The following MUC5AC variants were observed in gnomAD, a reference collection of about 807,000 sequenced individuals.
The protein encoded by MUC5AC is mucin 5AC, oligomeric mucus/gel-forming.
A neutral mutation model predicts 169.7 loss-of-function variants in MUC5AC; 158 were observed. The observed-to-expected ratio is 0.93, with a 90% CI of 0.82 to 1.06. The LOEUF is 1.06. Ranked by LOEUF, MUC5AC falls within the 50% of genes least tolerant of loss-of-function variation. The pLI is 0.00. For synonymous variants in MUC5AC, 1,975 were observed against 1,237.0 expected, an observed-to-expected ratio of 1.60 and a Z score of -12.52; for missense variants, 4,359 against 3,089.9, an observed-to-expected ratio of 1.41 and a Z score of -9.74.
chr11:1,159,985 C>T (rs1454553633), intron 1 of MUC5AC, among the ~76,000 whole-genome samples: 11 of 139,216 alleles, frequency 7.9e-5, no homozygotes, highest in East Asian at 2.2e-4. Context: ...CAGGGCTGTG[C>T]GGGGCTGGGG....
Position 1,200,781 on chromosome 11 carries a change from T to G in MUC5AC, c.*79T>G. 1 of 665,118 alleles carries G rather than the reference T, an allele frequency of 1.5e-6. No individual in the cohort carries two copies. Among genetic ancestry groups the G allele is most frequent in the Non-Finnish European group, 2.7e-6 (1 of 367,338 alleles). 41.2% of individuals were successfully genotyped at this position (665,118 alleles called of 1,614,324 possible). On this transcript the variant is annotated 3_prime_UTR_variant, in exon 49 of 49. Transcript: ENST00000621226. ...GCTCGGCTTCCAAGGCCAGTGGAAC[T>G]TGTGCCCCTGTCCAGGCGGCTGCAG...
At chr11:1,181,739 CA>C (rs1305518838) in intron 30 of MUC5AC, among the ~76,000 whole-genome samples, 1 of 152,210 alleles carries the variant, frequency 6.6e-6, no homozygotes, top group Non-Finnish European at 1.5e-5. Flanking sequence ...ATTGGGGTGT[CA>C]GGGGTCTGGC....
intron 31 of MUC5AC, 126 bp from the exon 32 acceptor site, chr11:1,192,657 C>A: frequency 1.5e-6 from 1 of 686,806 alleles, no homozygotes; most frequent in Non-Finnish European, 2.6e-6. Context: ...AGAGTGGCTG[C>A]TGGCATTCTC....
intron 37 of MUC5AC, 109 bp downstream of exon 37, chr11:1,196,163 G>C: frequency 1.6e-6 from 1 of 626,370 alleles, no homozygotes; most frequent in South Asian, 1.8e-5. Context: ...CCTGGAGGAG[G>C]AGGGGGCAGC....
At chr11:1,164,800 G>C (rs1860261920) in intron 9 of MUC5AC, among the ~76,000 whole-genome samples, 1 of 143,884 alleles carries the variant, frequency 7.0e-6, no homozygotes. Flanking sequence ...CCTGTCCCGG[G>C]CCCCTGAGGC....
In MUC5AC at chr11:1,188,824, G is replaced by C. The variant is rs1214204395; in HGVS notation, c.10679G>C (p.Arg3560Pro). ...AGGAGTGGGGAAAAAATCTGCCGCCGACCTGAGGAGATCACCAGGCTCCAG... is the reference window on the plus strand; with the variant it reads ...AGGAGTGGGGAAAAAATCTGCCGCCCACCTGAGGAGATCACCAGGCTCCAG... ...IIRSGEKICR[R>P]PEEITRLQCR... The change falls in exon 31 of 49, where the codon CGA becomes CCA. Residue 3560 changes from arginine (R) to proline (P), a missense_variant. Transcript: ENST00000621226. 1.3e-6 allele frequency: 1 copy of C among 759,922 alleles called. No individual in the cohort carries two copies. Among genetic ancestry groups the C allele is most frequent in the African/African-American group, 1.7e-5 (1 of 59,006 alleles). The allele number at this position is 759,922 out of a possible 1,614,324, so 47.1% of individuals were successfully genotyped here.
chr11:1,186,502 C>T lies in MUC5AC; in HGVS notation c.8357C>T (p.Thr2786Ile). ...TTTSTISAPT[T>I]STTLSPTTST... is the part of the protein sequence containing the mutation. ...ACCAGCACAATCTCTGCCCCTACAA[C>T]CAGCACAACTTTGTCTCCTACAACC... Residue 2786 changes from threonine to isoleucine, a missense_variant, in exon 31 of 49, where the codon ACC (threonine) becomes ATC (isoleucine). Physicochemically the swap from Thr to Ile is moderately conservative, Grantham distance 89. Coordinates refer to ENST00000621226, the MANE Select transcript of MUC5AC (RefSeq NM_001304359.2). 1 of 695,336 alleles carries T rather than the reference C, an allele frequency of 1.4e-6. No individual in the cohort carries two copies. Among genetic ancestry groups the T allele is most frequent in the East Asian group, 2.7e-5 (1 of 37,268 alleles). 43.1% of individuals were successfully genotyped at this position (695,336 alleles called of 1,614,324 possible).
rs1860885400 is a variant in MUC5AC at position 1,184,550 on chromosome 11, C to A, written c.6405C>A (p.Pro2135=). ...ACGTGGACTTCCCGTCCCCCGGACC[C>A]CATGGTGGAGACAAGGAAACCTACA... ...WFDVDFPSPG[P]HGGDKETYNN... The change falls in exon 31 of 49, where the codon CCC becomes CCA. Residue 2135 remains proline (P), a synonymous_variant. Coordinates refer to ENST00000621226, the MANE Select transcript of MUC5AC (RefSeq NM_001304359.2). 3 of 646,340 alleles carry A rather than the reference C, an allele frequency of 4.6e-6. No individual in the cohort carries two copies. The South Asian group carries it at 5.4e-5, about 12-fold the overall frequency. 40.0% of individuals were successfully genotyped at this position (646,340 alleles called of 1,614,324 possible). A position where few individuals can be genotyped will look rare whatever the true frequency, so the allele number is the denominator to read the frequency against.
chr11:1,174,898 T>G lies in MUC5AC; in HGVS notation c.2109T>G (p.Thr703=). 1 of 414,002 alleles carries G rather than the reference T, an allele frequency of 2.4e-6. No individual in the cohort carries two copies. Among genetic ancestry groups the G allele is most frequent in the Non-Finnish European group, 4.3e-6 (1 of 234,536 alleles). The allele number at this position is 414,002 out of a possible 1,614,324, so 25.6% of individuals were successfully genotyped here. Residue 703 remains threonine, a synonymous_variant, in exon 18 of 49, where the codon ACT becomes ACG. Coordinates refer to ENST00000621226, the MANE Select transcript of MUC5AC (RefSeq NM_001304359.2). ...ATCCCGCAGCGAAGCCTATGACCACTTGCCCCAAGTCAATGACGTACCACT... is the reference window on the plus strand; with the variant it reads ...ATCCCGCAGCGAAGCCTATGACCACGTGCCCCAAGTCAATGACGTACCACT... ...RDGVCTKPMT[T]CPKSMTYHYH... is the part of the protein sequence containing the mutation.
In MUC5AC at chr11:1,193,524, A is replaced by G. The variant is rs779221143; in HGVS notation, c.14620A>G (p.Thr4874Ala). The G allele has an allele frequency of 1.4e-5, 11 of 758,760 alleles. No individual in the cohort carries two copies. Among genetic ancestry groups the G allele is most frequent in the Non-Finnish European group, 2.4e-5 (10 of 415,268 alleles). The allele number at this position is 758,760 out of a possible 1,614,324, so 47.0% of individuals were successfully genotyped here. ...TWATPNCSEATCEGNNVISLR... is the reference protein window; with the variant it reads ...TWATPNCSEAACEGNNVISLR... ...GGCCACACCCAACTGCTCCGAGGCC[A>G]CCTGTGAGGGCAACAACGTCATCTC... The change falls in exon 33 of 49, where the codon ACC becomes GCC. Residue 4874 changes from threonine (T) to alanine (A), a missense_variant. By Grantham distance (58) the Thr-to-Ala change is moderately conservative. Coordinates refer to ENST00000621226, the MANE Select transcript of MUC5AC (RefSeq NM_001304359.2).
At chr11:1,162,414 C>T (rs1404440221) in intron 4 of MUC5AC, 118 bp from the exon 5 acceptor site, 1 of 1,073,874 alleles carries the variant, frequency 9.3e-7, no homozygotes, top group African/African-American at 1.6e-5. Flanking sequence ...ATGTCCCCAT[C>T]CCAGACGCGA....
At position 1,188,275 on chromosome 11, in the gene MUC5AC, C is replaced by A; in HGVS notation, c.10130C>A (p.Ala3377Asp). The A allele has an allele frequency of 1.4e-6, 1 of 698,736 alleles. No homozygotes were observed. The highest frequency in any genetic ancestry group is 2.6e-6 in the Non-Finnish European group (1 of 385,248). The allele number at this position is 698,736 out of a possible 1,614,324, so 43.3% of individuals were successfully genotyped here. A position where few individuals can be genotyped will look rare whatever the true frequency, so the allele number is the denominator to read the frequency against. ...TSTPQTSTTS[A>D]PTTSTTSAPT... ...ACTCCACAGACCAGCACAACCTCTG[C>A]TCCTACAACCAGCACAACCTCTGCT... The change falls in exon 31 of 49, where the codon GCT (alanine) becomes GAT (aspartate). Residue 3377 changes from alanine (A) to aspartate (D), a missense_variant. Ala to Asp is a moderately radical substitution (Grantham distance 126). Transcript: ENST00000621226.
rs1443283344 is a variant in MUC5AC, at chr11:1,189,019, C to T, written c.10874C>T (p.Pro3625Leu). The T allele has an allele frequency of 8.9e-6, 6 of 671,070 alleles. No individual in the cohort carries two copies. The Admixed American group carries it at 1.1e-4, about 12-fold the overall frequency. The allele number at this position is 671,070 out of a possible 1,614,324, so 41.6% of individuals were successfully genotyped here. ...VLCCETPKGC[P>L]VTSTSVTAPS... is the part of the protein sequence containing the mutation. The stretch of plus-strand genomic sequence containing the variant: ...TGCTGCGAGACCCCCAAAGGCTGCC[C>T]CGTGACCTCCACATCTGTGACAGCT... Residue 3625 changes from proline (P) to leucine (L), a missense_variant, in exon 31 of 49, where the codon CCC becomes CTC. Physicochemically the swap from Pro to Leu is moderately conservative, Grantham distance 98. Coordinates refer to ENST00000621226, the MANE Select transcript of MUC5AC (RefSeq NM_001304359.2).
rs1412792738 is a variant in MUC5AC at position 1,184,336 on chromosome 11, G to A, written c.6191G>A (p.Arg2064Gln). 1.1e-5 allele frequency: 5 copies of A among 471,964 alleles called. No homozygotes were observed. The highest frequency in any genetic ancestry group is 1.5e-5 in the Non-Finnish European group (4 of 270,064). 29.2% of individuals were successfully genotyped at this position (471,964 alleles called of 1,614,324 possible). Residue 2064 changes from arginine (R) to glutamine (Q), a missense_variant, in exon 31 of 49, where the codon CGG (arginine) becomes CAG (glutamine). Physicochemically the swap from Arg to Gln is conservative, Grantham distance 43 (BLOSUM62 1). Coordinates refer to ENST00000621226, the MANE Select transcript of MUC5AC (RefSeq NM_001304359.2). ...CCGCCAAAGACCGTCGCAACGACAC[G>A]GCCGACTCCACATCCAACCGGAGCT... Reference protein sequence around the residue: ...TRPPKTVATTRPTPHPTGAQT... With the variant: ...TRPPKTVATTQPTPHPTGAQT...
chr11:1,158,214 G>T, intron 1 of MUC5AC, 142 bp downstream of exon 1: 2 of 739,126 alleles, frequency 2.7e-6, no homozygotes, highest in South Asian at 1.9e-5. Context: ...CCTGACTGTG[G>T]CCTGGCCACG....
In MUC5AC at chr11:1,163,020, C is replaced by T. The variant is rs760195607; in HGVS notation, c.654C>T (p.Pro218=). 85 of 1,612,540 alleles carry T rather than the reference C, an allele frequency of 5.3e-5. No individual in the cohort carries two copies. The highest frequency in any genetic ancestry group is 6.5e-5 in the Non-Finnish European group (77 of 1,179,834). The part of the protein sequence containing the change: ...CGLCGDFNGM[P]VVSELLSHNT... ...TCTGTGGGGACTTCAACGGGATGCC[C>T]GTGGTCAGCGAGCTCCTCTCCCACA... Residue 218 remains proline (P), a synonymous_variant, in exon 6 of 49, where the codon CCC becomes CCT. Coordinates refer to ENST00000621226, the MANE Select transcript of MUC5AC (RefSeq NM_001304359.2).
In MUC5AC at chr11:1,181,411, A is replaced by T. The variant is rs1328494172; in HGVS notation, c.3961A>T (p.Thr1321Ser). ...IERRVYPCSP[T>S]TPVPPTTFSF... Reference sequence around the variant, plus strand: ...GAGGAGGGTCTACCCCTGCAGCCCCACCACCCCTGTCCCCCCAACCACCTT... The same window carrying T: ...GAGGAGGGTCTACCCCTGCAGCCCCTCCACCCCTGTCCCCCCAACCACCTT... The change falls in exon 30 of 49, where the codon ACC becomes TCC. Residue 1321 changes from threonine to serine, a missense_variant. Transcript: ENST00000621226. The T allele has an allele frequency of 1.6e-5, 3 of 186,640 alleles. No individual in the cohort carries two copies. Among genetic ancestry groups the T allele is most frequent in the Non-Finnish European group, 2.7e-5 (3 of 111,960 alleles). 11.6% of individuals were successfully genotyped at this position (186,640 alleles called of 1,614,324 possible).
chr11:1,165,742 C>T lies in MUC5AC; in HGVS notation c.1368C>T (p.Cys456=), dbSNP rs182361483. ...DGKQYTVHGD[C]SYVLTKPCDS... ...AGCAATACACGGTGCACGGCGACTG[C>T]AGCTATGTGCTGACCAAGGTACGGC... Residue 456 remains cysteine, a synonymous_variant, in exon 11 of 49, where the codon TGC becomes TGT. Transcript: ENST00000621226. The T allele has an allele frequency of 1.9e-5, 30 of 1,612,222 alleles. No homozygotes were observed. In the East Asian group the frequency reaches 6.0e-4, roughly 32 times the overall value.
In MUC5AC at chr11:1,187,243, C is replaced by A; in HGVS notation, c.9098C>A (p.Thr3033Lys). ...APTTSTTSAPTTSTTSTPTSS... is the reference protein window; with the variant it reads ...APTTSTTSAPKTSTTSTPTSS... ...ACAACCAGCACAACCTCTGCCCCTA[C>A]AACCAGCACAACCTCTACCCCTACA... The change falls in exon 31 of 49, where the codon ACA (threonine) becomes AAA (lysine). Residue 3033 changes from threonine (T) to lysine (K), a missense_variant. Physicochemically the swap from Thr to Lys is moderately conservative, Grantham distance 78 (BLOSUM62 -1). Coordinates refer to ENST00000621226, the MANE Select transcript of MUC5AC (RefSeq NM_001304359.2). 1 of 698,782 alleles carries A rather than the reference C, an allele frequency of 1.4e-6. No homozygotes were observed. The highest frequency in any genetic ancestry group is 2.6e-6 in the Non-Finnish European group (1 of 384,058). 43.3% of individuals were successfully genotyped at this position (698,782 alleles called of 1,614,324 possible).
Sources: gnomAD v4.1 joint callset for allele counts (sites outside exome capture counted in the v4.1 genomes callset) on GRCh38, gnomAD v4.1.1 for gene constraint, MANE v1.5 for transcripts, NCBI Gene and HGNC (gene_info 2026-07-23, HGNC 2026-07-21) for gene names.